The following TMEM117 variants were observed in gnomAD, a reference collection of about 807,000 sequenced individuals.
TMEM117 encodes transmembrane protein 117.
TMEM117 carries 27 observed loss-of-function variants against 52.4 expected under a neutral mutation model. The ratio of observed to expected loss-of-function variants is 0.51; its 90% CI spans 0.38 to 0.71. The LOEUF is 0.71. Ranked by LOEUF, TMEM117 falls within the 30% of genes least tolerant of loss-of-function variation. The pLI is 0.00. For synonymous variants in TMEM117, 215 were observed against 206.3 expected (o/e 1.04, Z -0.36); for missense variants, 556 against 630.5 (o/e 0.88, Z 1.26).
At chr12:44,324,300 T>G (rs575502781) in intron 6 of TMEM117, among the ~76,000 whole-genome samples, 2 of 152,174 alleles carry the variant, frequency 1.3e-5, no homozygotes, top group South Asian at 2.1e-4. Flanking sequence ...GATACTATTA[T>G]TAGTAGTACT....
chr12:43,804,531 C>T, the TMEM117 span: 18 of 1,602,618 alleles, frequency 1.1e-5, no homozygotes. Flanking sequence ...CTGTACTTTC[C>T]ATTTCTGGCT....
At chr12:44,160,094 C>T (rs996707501) in intron 4 of TMEM117, among the ~76,000 whole-genome samples, 1 of 151,960 alleles carries the variant, frequency 6.6e-6, no homozygotes, top group African/African-American at 2.4e-5. Flanking sequence ...CATGACATTC[C>T]CTGAAGGTAT....
chr12:43,983,932 C>G (rs766576588), intron 3 of TMEM117, among the ~76,000 whole-genome samples: 1 of 151,928 alleles, frequency 6.6e-6, no homozygotes, highest in Non-Finnish European at 1.5e-5. Flanking sequence ...ACTGTATTTG[C>G]TTTTTTGTGT....
At chr12:44,149,036 G>A (rs1396461730) in intron 4 of TMEM117, among the ~76,000 whole-genome samples, 1 of 152,168 alleles carries the variant, frequency 6.6e-6, no homozygotes. Context: ...GAACCACAGG[G>A]ACACATGCTT....
chr12:44,216,966 G>A (rs1039906581), intron 5 of TMEM117, among the ~76,000 whole-genome samples: 2 of 152,154 alleles, frequency 1.3e-5, no homozygotes, highest in African/African-American at 2.4e-5. Flanking sequence ...GGAAGCAAAT[G>A]TAGCAGCTGA....
chr12:44,010,100 T>G (rs1292468340), intron 3 of TMEM117: 2 of 478,542 alleles, frequency 4.2e-6, no homozygotes, highest in Non-Finnish European at 8.5e-6. Flanking sequence ...AGCCCCCATC[T>G]GGGGGTTCAA....
In TMEM117 at chr12:43,902,489, CA is replaced by C. The variant is rs1944320022; in HGVS notation, c.278-41720del. Among the ~76,000 whole-genome samples the C allele has an allele frequency of 2.0e-5, 3 of 152,274 alleles. No individual in the cohort carries two copies. The South Asian group carries it at 6.2e-4, about 32-fold the overall frequency. The stretch of plus-strand genomic sequence containing the variant: ...GGTTGACTTGATATCTAGTGCTCTA[CA>C]TTGAGCTAAAGTTCCCTTCTCGTGA... On this transcript the variant is annotated intron_variant, in intron 2 of 7. Transcript: ENST00000266534.
intron 5 of TMEM117, among the ~76,000 whole-genome samples, chr12:44,212,010 CTG>C (rs1262453861): frequency 1.3e-5 from 2 of 152,208 alleles, no homozygotes; most frequent in Admixed American, 1.3e-4. Context: ...CACAATGATT[CTG>C]TGTGATATAA....
chr12:43,891,582 G>T (rs1179345797), intron 2 of TMEM117, among the ~76,000 whole-genome samples: 1 of 151,338 alleles, frequency 6.6e-6, no homozygotes, highest in African/African-American at 2.4e-5. Context: ...CAGTCAGGAT[G>T]GTCTCGATCC....
the TMEM117 span, among the ~76,000 whole-genome samples, chr12:43,817,878 A>G: frequency 6.6e-6 from 1 of 152,244 alleles, no homozygotes; most frequent in Non-Finnish European, 1.5e-5. Flanking sequence ...AACTAAATTT[A>G]GAGCCATATC....
chr12:44,254,685 T>G (rs1189415195), intron 5 of TMEM117, among the ~76,000 whole-genome samples: 1 of 151,970 alleles, frequency 6.6e-6, no homozygotes, highest in Non-Finnish European at 1.5e-5. Context: ...TACTTTAAGT[T>G]TTAGGGTACA....
chr12:44,114,329 C>G (rs934095396), intron 3 of TMEM117, among the ~76,000 whole-genome samples: 3 of 151,982 alleles, frequency 2.0e-5, no homozygotes, highest in African/African-American at 7.3e-5. Flanking sequence ...ATAATGGCAA[C>G]CAAAAATGAG....
chr12:44,300,718 G>A (rs1281653152), intron 6 of TMEM117, among the ~76,000 whole-genome samples: 2 of 151,922 alleles, frequency 1.3e-5, no homozygotes, highest in Non-Finnish European at 2.9e-5. Flanking sequence ...CTACTTTAAT[G>A]GATAATATTT....
chr12:44,024,079 A>G (rs117192519), intron 3 of TMEM117, among the ~76,000 whole-genome samples: 78 of 152,278 alleles, frequency 5.1e-4, no homozygotes, highest in Non-Finnish European at 8.4e-4. Context: ...GAAGACTAAC[A>G]TGGTAACGTG....
chr12:43,802,115 C>T, the TMEM117 span, among the ~76,000 whole-genome samples: 2 of 152,156 alleles, frequency 1.3e-5, no homozygotes, highest in East Asian at 1.9e-4. Context: ...GCAAAACTCC[C>T]GAATCTAAGC....
intron 6 of TMEM117, among the ~76,000 whole-genome samples, chr12:44,320,057 A>T (rs180776767): frequency 3.6e-4 from 55 of 152,290 alleles, no homozygotes; most frequent in African/African-American, 1.1e-3. Context: ...AGACCTGGAT[A>T]TCTAACTGGC....
intron 3 of TMEM117, among the ~76,000 whole-genome samples, chr12:43,986,335 T>TA (rs1945846657): frequency 6.6e-6 from 1 of 152,304 alleles, no homozygotes; most frequent in African/African-American, 2.4e-5. Context: ...AAGTTTTTGA[T>TA]ATAAAGTATT....
chr12:44,026,402 G>A (rs143546202), intron 3 of TMEM117, among the ~76,000 whole-genome samples: 50 of 152,250 alleles, frequency 3.3e-4, no homozygotes, highest in African/African-American at 1.0e-3. Context: ...AGATGCCTCT[G>A]TTGCTTTTCC....
chr12:43,950,345 A>T (rs189625819), intron 3 of TMEM117, among the ~76,000 whole-genome samples: 2 of 152,292 alleles, frequency 1.3e-5, no homozygotes, highest in African/African-American at 4.8e-5. Flanking sequence ...CATTAAAATA[A>T]CACAAGCTGT....
Sources: allele counts gnomAD v4.1 joint callset (sites outside exome capture counted in the v4.1 genomes callset), GRCh38; gene constraint gnomAD v4.1.1; transcripts MANE v1.5; gene names NCBI Gene and HGNC (gene_info 2026-07-23, HGNC 2026-07-21).